Variants in TENM3 observed in about 807,000 individuals in gnomAD.
The protein encoded by TENM3 is teneurin transmembrane protein 3, also known as teneurin-3.
A neutral mutation model predicts 255.1 loss-of-function variants in TENM3; 63 were observed. That is an observed-to-expected ratio of 0.25 (90% CI 0.20 to 0.30). TENM3 has a LOEUF of 0.30. Among genes scored for constraint, TENM3 ranks in the 10% least tolerant of loss-of-function variants. The pLI is 1.00. For missense variants in TENM3, 2,929 were observed against 3,461.1 expected, an observed-to-expected ratio of 0.85 and a Z score of 3.86; for synonymous variants, 1,306 against 1,322.3, an observed-to-expected ratio of 0.99 and a Z score of 0.27.
At chr4:182,519,034 C>A (rs1198924965) in intron 3 of TENM3, among the ~76,000 whole-genome samples, 1 of 152,134 alleles carries the variant, frequency 6.6e-6, no homozygotes, top group East Asian at 1.9e-4. Context: ...AGTTCCTTCC[C>A]AGTCCACCCA....
chr4:181,861,933 A>G, the TENM3 span, among the ~76,000 whole-genome samples: 1 of 152,056 alleles, frequency 6.6e-6, no homozygotes, highest in African/African-American at 2.4e-5. Flanking sequence ...TGCCACAGTG[A>G]TTTCTGTATT....
rs1766256187 is a variant in TENM3 at position 182,793,423 on chromosome 4, G to A, written c.6751G>A (p.Ala2251Thr). Residue 2251 changes from alanine to threonine, a missense_variant, in exon 26 of 28, where the codon GCT becomes ACT. Ala to Thr is a moderately conservative substitution (Grantham distance 58). Around this residue, in one of 6 missense-constraint regions of TENM3, gnomAD observed 256 missense variants for 389.3 expected, o/e 0.66. Coordinates refer to ENST00000511685, the MANE Select transcript of TENM3 (RefSeq NM_001080477.4). This position sits in a 1 kb window ranked among gnomAD's most constrained non-coding sequence, Gnocchi z 5.7. ...SLGQHLQFFY[A>T]DLTYPTRITH... The stretch of plus-strand genomic sequence containing the variant: ...AGGACAGCACCTGCAGTTTTTTTAT[G>A]CTGACTTAACTTATCCCACTAGGAT... 6 of 1,613,758 alleles carry A rather than the reference G, an allele frequency of 3.7e-6. No individual in the cohort carries two copies. The Middle Eastern group carries it at 4.9e-4, about 133-fold the overall frequency.
the TENM3 span, among the ~76,000 whole-genome samples, chr4:181,480,986 T>A: frequency 6.6e-6 from 1 of 151,804 alleles, no homozygotes; most frequent in South Asian, 2.1e-4. Flanking sequence ...AGATTTCTCA[T>A]ACAGCGATTG....
At chr4:181,615,036 G>C in the TENM3 span, among the ~76,000 whole-genome samples, 61 of 152,282 alleles carry the variant, frequency 4.0e-4, no homozygotes, top group Non-Finnish European at 7.9e-4. Context: ...ACAGGATGTA[G>C]AATCCACAGC....
At chr4:181,731,731 A>T in the TENM3 span, among the ~76,000 whole-genome samples, 1 of 152,218 alleles carries the variant, frequency 6.6e-6, no homozygotes, top group Admixed American at 6.5e-5. Context: ...CCCAAAGGTG[A>T]CTGATTAAAA....
intron 1 of TENM3, among the ~76,000 whole-genome samples, chr4:182,198,654 T>G (rs1280398851): frequency 6.6e-6 from 1 of 152,162 alleles, no homozygotes; most frequent in African/African-American, 2.4e-5. Context: ...TGGAAATAGG[T>G]GCAGGCGACC....
At chr4:182,082,976 G>A in the TENM3 span, among the ~76,000 whole-genome samples, 2 of 152,130 alleles carry the variant, frequency 1.3e-5, no homozygotes, top group African/African-American at 4.8e-5. Flanking sequence ...ATTATAGTGA[G>A]AAAGTGACAG....
intron 3 of TENM3, among the ~76,000 whole-genome samples, chr4:182,395,232 C>T (rs1426368905): frequency 6.6e-6 from 1 of 152,142 alleles, no homozygotes; most frequent in African/African-American, 2.4e-5. Flanking sequence ...TTAGGAGTAA[C>T]ATTGAGCCTC....
the TENM3 span, among the ~76,000 whole-genome samples, chr4:181,705,096 A>T: frequency 6.6e-6 from 1 of 151,852 alleles, no homozygotes; most frequent in Non-Finnish European, 1.5e-5. Context: ...CTCTCTCCTC[A>T]TTGGACATAG....
At chr4:181,954,966 G>C in the TENM3 span, among the ~76,000 whole-genome samples, 2 of 152,138 alleles carry the variant, frequency 1.3e-5, no homozygotes. Context: ...TACCAAAAGA[G>C]CATCCTTCTC....
chr4:182,572,882 G>T (rs930650027), intron 3 of TENM3, among the ~76,000 whole-genome samples: 1 of 152,132 alleles, frequency 6.6e-6, no homozygotes, highest in Non-Finnish European at 1.5e-5. Context: ...ACCTGTTAAG[G>T]TCACAGACTC....
the TENM3 span, among the ~76,000 whole-genome samples, chr4:182,102,093 G>A: frequency 6.6e-6 from 1 of 152,220 alleles, no homozygotes; most frequent in African/African-American, 2.4e-5. Flanking sequence ...CACTGAACAT[G>A]TGAATATGAA....
the TENM3 span, among the ~76,000 whole-genome samples, chr4:181,919,653 A>G: frequency 2.0e-5 from 3 of 152,068 alleles, no homozygotes; most frequent in African/African-American, 7.2e-5. Flanking sequence ...CCTGTTCATC[A>G]GATGAAGTGA....
chr4:182,200,535 A>T (rs1490403077), intron 1 of TENM3, among the ~76,000 whole-genome samples: 1 of 152,230 alleles, frequency 6.6e-6, no homozygotes, highest in African/African-American at 2.4e-5. Flanking sequence ...GGAAATATGT[A>T]TTTCATCATA....
the TENM3 span, among the ~76,000 whole-genome samples, chr4:182,061,776 C>T: frequency 2.6e-5 from 4 of 152,034 alleles, no homozygotes; most frequent in Admixed American, 2.6e-4. Flanking sequence ...CTGGGCATCA[C>T]AGGGAGACAC....
At chr4:182,073,964 T>C in the TENM3 span, among the ~76,000 whole-genome samples, 2 of 152,186 alleles carry the variant, frequency 1.3e-5, no homozygotes, top group African/African-American at 4.8e-5. Context: ...GAAGTTAAGT[T>C]TGTGGCTGGC....
intron 3 of TENM3, among the ~76,000 whole-genome samples, chr4:182,568,520 G>A (rs888101278): frequency 3.9e-5 from 6 of 152,164 alleles, no homozygotes; most frequent in Admixed American, 6.5e-5. Context: ...TATCAGGCAG[G>A]ATGTAGAGTA....
At chr4:182,613,934 A>T (rs903653646) in intron 4 of TENM3, among the ~76,000 whole-genome samples, 8 of 152,188 alleles carry the variant, frequency 5.3e-5, no homozygotes, top group African/African-American at 1.9e-4. Context: ...TTCTTGCAGG[A>T]ATCACCTCCT....
the TENM3 span, among the ~76,000 whole-genome samples, chr4:181,974,524 C>T: frequency 7.0e-4 from 107 of 152,070 alleles, 1 homozygote; most frequent in African/African-American, 2.4e-3. Context: ...GCCGAGATTG[C>T]GCTACTGCAC....
Sources: gnomAD v4.1 joint callset for allele counts (sites outside exome capture counted in the v4.1 genomes callset) on GRCh38, gnomAD v4.1.1 for gene constraint, gnomAD v4.1.1 regional missense constraint, Gnocchi (gnomAD v3.1) non-coding constraint, MANE v1.5 for transcripts, NCBI Gene and HGNC (gene_info 2026-07-23, HGNC 2026-07-21) for gene names.